The following FGFR2 variants were observed in gnomAD, a reference collection of about 807,000 sequenced individuals.
The protein encoded by FGFR2 is fibroblast growth factor receptor 2.
In FGFR2, 19 loss-of-function variants were observed where a neutral mutation model predicts 95.9. That is an observed-to-expected ratio of 0.20 (90% CI 0.14 to 0.29). The LOEUF is 0.29. Ranked by LOEUF, FGFR2 falls within the 10% of genes least tolerant of loss-of-function variation. The pLI, the probability that FGFR2 is intolerant of heterozygous loss-of-function variation, is 1.00. For missense variants in FGFR2, 707 were observed against 1,056.9 expected (o/e 0.67, Z 4.59); for synonymous variants, 392 against 393.3 (o/e 1.00, Z 0.04).
At chr10:121,546,791 G>A (rs1854582107) in intron 5 of FGFR2, among the ~76,000 whole-genome samples, 2 of 152,202 alleles carry the variant, frequency 1.3e-5, no homozygotes, top group African/African-American at 4.8e-5. Context: ...CACAATCATA[G>A]TTTATGGAAT....
rs1850101382 is a variant in FGFR2 at position 121,518,923 on chromosome 10, C to A, written c.939+1056G>T. 16 of 1,470,136 alleles carry A rather than the reference C, an allele frequency of 1.1e-5. No individual in the cohort carries two copies. The South Asian group carries it at 1.1e-4, about 10-fold the overall frequency. The allele number at this position is 1,470,136 out of a possible 1,614,324, so 91.1% of individuals were successfully genotyped here. ...CACCAACACACCGCAAGAAAACAAA[C>A]TCCATTACGTCTAAACAGCGGCATT... On this transcript the variant is annotated intron_variant, in intron 7 of 17. Transcript: ENST00000358487. This position sits in a 1 kb window ranked among gnomAD's most constrained non-coding sequence, Gnocchi z 4.0.
chr10:121,557,023 G>A (rs1332179423), intron 4 of FGFR2, among the ~76,000 whole-genome samples: 2 of 152,190 alleles, frequency 1.3e-5, no homozygotes, highest in African/African-American at 2.4e-5. Flanking sequence ...ATGATTATGA[G>A]GGGGTATGTC....
At chr10:121,489,589 A>C (rs1845870090) in intron 13 of FGFR2, among the ~76,000 whole-genome samples, 1 of 152,216 alleles carries the variant, frequency 6.6e-6, no homozygotes, top group Non-Finnish European at 1.5e-5. Flanking sequence ...CTCCCTCCTG[A>C]GACCCATGTT....
chr10:121,514,120 G>A (rs902695029), intron 9 of FGFR2, among the ~76,000 whole-genome samples: 1 of 152,100 alleles, frequency 6.6e-6, no homozygotes, highest in African/African-American at 2.4e-5. Flanking sequence ...TGAGACAAAG[G>A]AATCTGAAAT....
At chr10:121,524,099 TATAC>T (rs61610218) in intron 6 of FGFR2, among the ~76,000 whole-genome samples, 9,907 of 136,882 alleles carry the variant, frequency 0.072, 378 homozygotes, top group African/African-American at 0.12. Context: ...CCCGGCTATG[TATAC>T]ACACACACAC....
chr10:121,565,198 T>C (rs1360949987), intron 3 of FGFR2, among the ~76,000 whole-genome samples: 3 of 139,804 alleles, frequency 2.1e-5, no homozygotes, highest in African/African-American at 5.4e-5. Flanking sequence ...AAAAAAAGCA[T>C]GTATTTACTT....
intron 1 of FGFR2, among the ~76,000 whole-genome samples, chr10:121,595,308 G>A (rs1863257246): frequency 1.3e-5 from 2 of 152,212 alleles, no homozygotes; most frequent in African/African-American, 4.8e-5. Flanking sequence ...GGACAAAAAT[G>A]GAGGAGGGAA....
At position 121,524,101 on chromosome 10, in the gene FGFR2, T is replaced by TACACACACACACAC. The variant is rs61527395; in HGVS notation, c.749-3946_749-3933dup. Among the ~76,000 whole-genome samples, 25 of 89,208 alleles carry TACACACACACACAC rather than the reference T, an allele frequency of 2.8e-4. 1 individual carries two copies. The highest frequency in any genetic ancestry group is 7.5e-4 in the African/African-American group (21 of 27,830). 58.5% of individuals were successfully genotyped at this position (89,208 alleles called of 152,430 possible). On this transcript the variant is annotated intron_variant, in intron 6 of 17. Coordinates refer to ENST00000358487, the MANE Select transcript of FGFR2 (RefSeq NM_000141.5). ...ATTCCAATGCTATCCCGGCTATGTA[T>TACACACACACACAC]ACACACACACACACACACACACACA...
intron 7 of FGFR2, among the ~76,000 whole-genome samples, chr10:121,519,473 GTTTTT>G (rs1487750257): frequency 2.0e-5 from 3 of 151,784 alleles, no homozygotes; most frequent in Non-Finnish European, 4.4e-5. Context: ...GTTTTGTTTT[GTTTTT>G]GTTAAAAAAA....
chr10:121,537,726 A>AAG (rs5788501), intron 6 of FGFR2, among the ~76,000 whole-genome samples: 152,298 of 152,300 alleles, frequency 1, 76,148 homozygotes, highest in Non-Finnish European at 1. Flanking sequence ...AACCAAAAGA[A>AAG]GGCTCAAGGT....
rs141796960 is a variant in FGFR2, at chr10:121,551,381, C to A, written c.533G>T (p.Arg178Leu). Reference protein sequence around the residue: ...AVPAANTVKFRCPAGGNPMPT... With the variant: ...AVPAANTVKFLCPAGGNPMPT... ...CATTGGGTTCCCCCCGGCTGGGCAGCGAAACTTGACAGTGTTGGCCGCAGG... is the reference window on the plus strand; with the variant it reads ...CATTGGGTTCCCCCCGGCTGGGCAGAGAAACTTGACAGTGTTGGCCGCAGG... The change falls in exon 5 of 18, where the codon CGC (arginine) becomes CTC (leucine). Residue 178 changes from arginine (R) to leucine (L), a missense_variant. Physicochemically the swap from Arg to Leu is moderately radical, Grantham distance 102 (BLOSUM62 -2). Transcript: ENST00000358487. 3 of 1,614,162 alleles carry A rather than the reference C, an allele frequency of 1.9e-6. No homozygotes were observed. The highest frequency in any genetic ancestry group is 2.5e-6 in the Non-Finnish European group (3 of 1,180,042).
intron 5 of FGFR2, among the ~76,000 whole-genome samples, chr10:121,544,589 T>C (rs1287500533): frequency 6.6e-6 from 1 of 152,142 alleles, no homozygotes; most frequent in Non-Finnish European, 1.5e-5. Flanking sequence ...AATATCCTGA[T>C]TTCACTTATA....
intron 14 of FGFR2, 59 bp from the exon 15 acceptor site, chr10:121,487,483 G>A: frequency 7.5e-7 from 1 of 1,335,044 alleles, no homozygotes; most frequent in South Asian, 1.2e-5. Flanking sequence ...TATCTTAGCA[G>A]GCTCAATAGG....
chr10:121,519,266 A>G (rs1175300735), intron 7 of FGFR2, among the ~76,000 whole-genome samples: 1 of 152,202 alleles, frequency 6.6e-6, no homozygotes, highest in Non-Finnish European at 1.5e-5. Context: ...GTACAGACTT[A>G]GCTGCCCCTG....
At chr10:121,497,147 A>AAG (rs1554914632) in intron 12 of FGFR2, among the ~76,000 whole-genome samples, 4 of 150,530 alleles carry the variant, frequency 2.7e-5, no homozygotes, top group African/African-American at 9.8e-5. Flanking sequence ...AAAAAAAAAA[A>AAG]AAGAAGAAGA....
intron 6 of FGFR2, among the ~76,000 whole-genome samples, chr10:121,536,741 C>A (rs1445461353): frequency 6.6e-6 from 1 of 152,178 alleles, no homozygotes; most frequent in Non-Finnish European, 1.5e-5. Context: ...AGAGCCCAGA[C>A]CGGAGTGGCC....
intron 6 of FGFR2, among the ~76,000 whole-genome samples, chr10:121,524,136 ACACACACACACC>A (rs1199678861): frequency 3.0e-5 from 4 of 134,292 alleles, no homozygotes; most frequent in Non-Finnish European, 5.1e-5. Context: ...ACACACACAC[ACACACACACACC>A]CCAAGTTTGC....
chr10:121,563,675 T>C (rs1857276293), intron 4 of FGFR2, among the ~76,000 whole-genome samples: 1 of 152,130 alleles, frequency 6.6e-6, no homozygotes. Flanking sequence ...AAAATAGTAT[T>C]ATTATTATTA....
chr10:121,525,625 GA>G (rs879673575), intron 6 of FGFR2, among the ~76,000 whole-genome samples: 356 of 3,450 alleles, frequency 0.1, 6 homozygotes, highest in East Asian at 0.52. Context: ...ATTATTGAGG[GA>G]GAGAGAGAGA....
Sources: allele counts gnomAD v4.1 joint callset (sites outside exome capture counted in the v4.1 genomes callset), GRCh38; gene constraint gnomAD v4.1.1; non-coding constraint Gnocchi (gnomAD v3.1); transcripts MANE v1.5; gene names NCBI Gene and HGNC (gene_info 2026-07-23, HGNC 2026-07-21).